Variants in MSRA observed in about 807,000 individuals in gnomAD.
MSRA encodes methionine sulfoxide reductase A.
A neutral mutation model predicts 31.3 loss-of-function variants in MSRA; 54 were observed. That is an observed-to-expected ratio of 1.73 (90% confidence interval 1.39 to 2.17). The LOEUF is 2.17. MSRA is among the 30% of genes most tolerant of loss of function. The probability of loss-of-function intolerance (pLI) is 0.00; values close to 1 mark genes in which losing one functional copy is unlikely to be tolerated. For missense variants in MSRA, 507 were observed against 300.9 expected (o/e 1.69, Z -5.07); for synonymous variants, 169 against 116.5 (o/e 1.45, Z -2.90).
At chr8:10,373,598 A>G (rs940102845) in intron 5 of MSRA, among the ~76,000 whole-genome samples, 37 of 152,354 alleles carry the variant, frequency 2.4e-4, no homozygotes, top group African/African-American at 8.2e-4. Flanking sequence ...TGGGGGAAGC[A>G]GGGCAGGAAC....
rs191420022 is a variant in MSRA at position 10,086,156 on chromosome 8, A to G, written c.142+31498A>G. Among the ~76,000 whole-genome samples the G allele has an allele frequency of 2.4e-3, 367 of 152,320 alleles. 1 individual carries two copies. Among genetic ancestry groups the G allele is most frequent in the African/African-American group, 7.7e-3 (321 of 41,570 alleles). ...TTATCATGTTATATTCCCAGCAGCA[A>G]TGTATGAGGATTCATTTCTGTACAT... is the stretch of plus-strand genomic sequence containing the variant. On this transcript the variant is annotated intron_variant, in intron 1 of 5. Transcript: ENST00000317173.
chr8:10,376,986 T>A (rs989332614), intron 5 of MSRA, among the ~76,000 whole-genome samples: 1 of 152,162 alleles, frequency 6.6e-6, no homozygotes, highest in African/African-American at 2.4e-5. Context: ...TTAGCCCAGA[T>A]TCTTTTGTTG....
At chr8:10,145,208 G>A (rs993066635) in intron 1 of MSRA, among the ~76,000 whole-genome samples, 6 of 152,182 alleles carry the variant, frequency 3.9e-5, no homozygotes, top group African/African-American at 7.2e-5. Flanking sequence ...AGAACCGTCC[G>A]ATCGGAGCAC....
At chr8:10,108,289 A>T (rs1363217874) in intron 1 of MSRA, among the ~76,000 whole-genome samples, 1 of 152,020 alleles carries the variant, frequency 6.6e-6, no homozygotes, top group Non-Finnish European at 1.5e-5. Flanking sequence ...TCCTTTCATG[A>T]TTTCCCTGGC....
At chr8:10,227,639 G>T (rs1811110155) in intron 2 of MSRA, among the ~76,000 whole-genome samples, 1 of 152,186 alleles carries the variant, frequency 6.6e-6, no homozygotes, top group Non-Finnish European at 1.5e-5. Context: ...TCACAGTGCA[G>T]AGGTACAGTG....
Position 10,054,414 on chromosome 8 carries a change from G to GC in MSRA, c.-97dup, listed in dbSNP as rs1802165903. ...GCGCCCGCCCGCCCGCGCCCCTGCCGCCCCCCGGTTCCGGCCGCGGACCCC... is the reference window on the plus strand; with the variant it reads ...GCGCCCGCCCGCCCGCGCCCCTGCCGCCCCCCCGGTTCCGGCCGCGGACCCC... On this transcript the variant is annotated 5_prime_UTR_variant, in exon 1 of 6. Transcript: ENST00000317173. The GC allele has an allele frequency of 3.1e-5, 7 of 229,054 alleles. No individual in the cohort carries two copies. The highest frequency in any genetic ancestry group is 1.5e-4 in the South Asian group (1 of 6,552). The allele number at this position is 229,054 out of a possible 1,614,324, so 14.2% of individuals were successfully genotyped here.
intron 5 of MSRA, among the ~76,000 whole-genome samples, chr8:10,343,554 A>T (rs569710147): frequency 2.6e-5 from 4 of 152,268 alleles, no homozygotes; most frequent in African/African-American, 9.6e-5. Flanking sequence ...GCGTTCCCCA[A>T]CCACTCTTTA....
rs1413075961 is a variant in MSRA at position 10,061,444 on chromosome 8, A to G, written c.142+6786A>G. On this transcript the variant is annotated intron_variant, in intron 1 of 5. Transcript: ENST00000317173. ...AACCTAAGTGATCTCCTTCTTCTCT[A>G]CTGGACAAATAGCTATGTACTACTT... 2.0e-5 allele frequency among the ~76,000 whole-genome samples: 3 copies of G among 152,040 alleles called. No individual in the cohort carries two copies. In the East Asian group the frequency reaches 5.8e-4, roughly 29 times the overall value.
intron 1 of MSRA, among the ~76,000 whole-genome samples, chr8:10,103,919 A>C (rs1389643176): frequency 6.6e-6 from 1 of 152,118 alleles, no homozygotes; most frequent in Non-Finnish European, 1.5e-5. Flanking sequence ...GAACACTTTC[A>C]TGCACATTTT....
intron 3 of MSRA, among the ~76,000 whole-genome samples, chr8:10,287,408 C>T (rs1005157155): frequency 1.3e-5 from 2 of 152,170 alleles, no homozygotes; most frequent in East Asian, 1.9e-4. Context: ...CATATGAAAG[C>T]ATTTCATGAG....
intron 5 of MSRA, chr8:10,353,920 G>A (rs898363306): frequency 4.7e-6 from 1 of 213,198 alleles, no homozygotes; most frequent in South Asian, 7.1e-5. Flanking sequence ...GGATACAAAG[G>A]ACCTTATTAT....
At chr8:10,171,852 G>T (rs549383054) in intron 1 of MSRA, among the ~76,000 whole-genome samples, 45 of 152,308 alleles carry the variant, frequency 3.0e-4, no homozygotes, top group African/African-American at 1.0e-3. Flanking sequence ...TATTATTTCT[G>T]TTGTTTAGAT....
At chr8:10,286,602 T>G (rs1160471994) in intron 3 of MSRA, among the ~76,000 whole-genome samples, 1 of 152,224 alleles carries the variant, frequency 6.6e-6, no homozygotes, top group African/African-American at 2.4e-5. Context: ...AACATCCAGT[T>G]AGATATACTG....
chr8:10,149,418 C>T (rs1458609508), intron 1 of MSRA, among the ~76,000 whole-genome samples: 3 of 152,214 alleles, frequency 2.0e-5, no homozygotes, highest in Non-Finnish European at 4.4e-5. Flanking sequence ...GCCACCGCGC[C>T]CGGCTGAGAA....
At chr8:10,369,909 A>G (rs908377599) in intron 5 of MSRA, among the ~76,000 whole-genome samples, 1 of 152,238 alleles carries the variant, frequency 6.6e-6, no homozygotes, top group Non-Finnish European at 1.5e-5. Context: ...TCATTCTCCT[A>G]TGTGGTTATG....
chr8:10,254,837 CA>C (rs1351241472), intron 3 of MSRA, among the ~76,000 whole-genome samples: 1 of 152,180 alleles, frequency 6.6e-6, no homozygotes, highest in Non-Finnish European at 1.5e-5. Flanking sequence ...AGAGCTGTGC[CA>C]AAGTTTTGAA....
At chr8:10,101,880 T>A (rs577563647) in intron 1 of MSRA, among the ~76,000 whole-genome samples, 1 of 152,338 alleles carries the variant, frequency 6.6e-6, no homozygotes, top group African/African-American at 2.4e-5. Flanking sequence ...AGCTCCTGTT[T>A]CCAGTTCTTT....
rs535295093 is a variant in MSRA at position 10,085,037 on chromosome 8, G to A, written c.142+30379G>A. Among the ~76,000 whole-genome samples the A allele has an allele frequency of 9.9e-5, 15 of 152,030 alleles. No homozygotes were observed. The East Asian group carries it at 1.2e-3, about 12-fold the overall frequency. ...ATATCAACTAAATCATAAATAAATC[G>A]TACTATGGTTTTAAATATGGCAAAA... On this transcript the variant is annotated intron_variant, in intron 1 of 5. Transcript: ENST00000317173.
At chr8:10,165,252 C>T in intron 1 of MSRA, among the ~76,000 whole-genome samples, 1 of 152,212 alleles carries the variant, frequency 6.6e-6, no homozygotes, top group East Asian at 1.9e-4. Context: ...CAATATAATG[C>T]CTTTGTTTTA....
Sources: gnomAD v4.1 joint callset for allele counts (sites outside exome capture counted in the v4.1 genomes callset) on GRCh38, gnomAD v4.1.1 for gene constraint, MANE v1.5 for transcripts, NCBI Gene and HGNC (gene_info 2026-07-23, HGNC 2026-07-21) for gene names.